Variants in FUBP1 observed in about 807,000 individuals in gnomAD.
FUBP1 encodes far upstream element-binding protein 1.
A neutral mutation model predicts 94.9 loss-of-function variants in FUBP1; 16 were observed. The ratio of observed to expected loss-of-function variants is 0.17; its 90% CI spans 0.11 to 0.26. FUBP1 has a LOEUF of 0.26. Ranked by LOEUF, FUBP1 falls within the 10% of genes least tolerant of loss-of-function variation. The pLI is 1.00. For missense variants in FUBP1, 583 were observed against 808.6 expected (o/e 0.72, Z 3.38); for synonymous variants, 279 against 254.9 (o/e 1.09, Z -0.90).
intron 14 of FUBP1, among the ~76,000 whole-genome samples, chr1:77,961,076 CATG>C (rs1221568073): frequency 2.0e-5 from 3 of 152,310 alleles, no homozygotes; most frequent in East Asian, 3.9e-4. Context: ...TTTCATGTAT[CATG>C]ATGTTTAATA....
intron 2 of FUBP1, 77 bp downstream of exon 2, chr1:77,969,848 A>C: frequency 3.0e-6 from 2 of 656,638 alleles, no homozygotes; most frequent in South Asian, 4.7e-5. Context: ...ATCTCAATAA[A>C]ATAACAGAAA....
chr1:77,969,892 A>G (rs1657197004), intron 2 of FUBP1, 33 bp downstream of exon 2: 3 of 967,524 alleles, frequency 3.1e-6, no homozygotes, highest in East Asian at 5.0e-5. Flanking sequence ...AACACTCTGA[A>G]AAACAATTTA....
intron 1 of FUBP1, among the ~76,000 whole-genome samples, chr1:77,977,824 T>C (rs1658977762): frequency 6.6e-6 from 1 of 152,262 alleles, no homozygotes; most frequent in Admixed American, 6.5e-5. Flanking sequence ...TACATGTTTA[T>C]AATGCGTTCA....
Position 77,945,382 on chromosome 1 carries a change from A to T in FUBP1, c.*3384T>A, listed in dbSNP as rs911931151. ...TAAGAAATTTAACAGTTCATGGAAC[A>T]TTTAAGATCAAGTGAATAGCACTTT... On this transcript the variant is annotated 3_prime_UTR_variant, in exon 20 of 20. Coordinates refer to ENST00000370768, the MANE Select transcript of FUBP1 (RefSeq NM_003902.5). 2 of 212,934 alleles carry T rather than the reference A, an allele frequency of 9.4e-6. No homozygotes were observed. The highest frequency in any genetic ancestry group is 4.5e-5 in the African/African-American group (2 of 44,234). The allele number at this position is 212,934 out of a possible 1,614,324, so 13.2% of individuals were successfully genotyped here.
chr1:77,978,838 C>T (rs2102560353), intron 1 of FUBP1, 47 bp downstream of exon 1: 1 of 1,611,940 alleles, frequency 6.2e-7, no homozygotes, highest in Non-Finnish European at 8.5e-7. Flanking sequence ...CAGTCAGCGG[C>T]CAATTACCGT....
In FUBP1 at chr1:77,948,787, G is replaced by A. The variant is rs370548993; in HGVS notation, c.1927-13C>T. Reference sequence around the variant, plus strand: ...CTTATTATTGGCCCTGTGCAGAAGAGATACATAAGAAATACACAAAAAGTT... The same window carrying A: ...CTTATTATTGGCCCTGTGCAGAAGAAATACATAAGAAATACACAAAAAGTT... On this transcript the variant is annotated splice_polypyrimidine_tract_variant and intron_variant, in intron 19 of 19. Transcript: ENST00000370768. 6.2e-7 allele frequency: 1 copy of A among 1,605,046 alleles called. No homozygotes were observed. The highest frequency in any genetic ancestry group is 1.3e-5 in the African/African-American group (1 of 74,654).
chr1:77,960,399 T>C lies in FUBP1; in HGVS notation c.1441A>G (p.Met481Val), dbSNP rs201012814. Residue 481 changes from methionine (M) to valine (V), a missense_variant, in exon 15 of 20, where the codon ATG (methionine) becomes GTG (valine). Transcript: ENST00000370768. ...PPGPPGPGTP[M>V]GPYNPAPYNP... ...TAAGGTGCAGGGTTGTATGGTCCCA[T>C]TGGAGTTCCAGGCCCTGGAGGCCCA... 47 of 1,596,940 alleles carry C rather than the reference T, an allele frequency of 2.9e-5. No homozygotes were observed. The highest frequency in any genetic ancestry group is 4.1e-5 in the African/African-American group (3 of 73,696).
In FUBP1 at chr1:77,948,004, A is replaced by T. The variant is rs1652539079; in HGVS notation, c.*762T>A. On this transcript the variant is annotated 3_prime_UTR_variant, in exon 20 of 20. Transcript: ENST00000370768. ...AAACTGTTTAAAATTAGTTATGCCGAAACAGTCTTGGAAATCAAGTATTAT... is the reference window on the plus strand; with the variant it reads ...AAACTGTTTAAAATTAGTTATGCCGTAACAGTCTTGGAAATCAAGTATTAT... 9.7e-7 allele frequency: 1 copy of T among 1,033,590 alleles called. No homozygotes were observed. The highest frequency in any genetic ancestry group is 1.2e-6 in the Non-Finnish European group (1 of 854,214). The allele number at this position is 1,033,590 out of a possible 1,614,324, so 64.0% of individuals were successfully genotyped here.
intron 1 of FUBP1, among the ~76,000 whole-genome samples, chr1:77,978,481 C>T (rs1451329324): frequency 6.6e-6 from 1 of 152,206 alleles, no homozygotes; most frequent in Non-Finnish European, 1.5e-5. Context: ...ATGATAAATC[C>T]CTTCCCTTGC....
At chr1:77,959,902 T>G (rs1289738656) in intron 16 of FUBP1, among the ~76,000 whole-genome samples, 4 of 152,210 alleles carry the variant, frequency 2.6e-5, no homozygotes, top group Non-Finnish European at 4.4e-5. Context: ...AGCACTGGTA[T>G]CCAAAACCTA....
intron 17 of FUBP1, 33 bp downstream of exon 17, chr1:77,956,539 T>G: frequency 6.4e-7 from 1 of 1,552,998 alleles, no homozygotes; most frequent in Non-Finnish European, 8.9e-7. Flanking sequence ...AGCACAACTT[T>G]TGGCTTTCAC....
At chr1:77,969,893 A>G in intron 2 of FUBP1, 32 bp downstream of exon 2, 1 of 975,144 alleles carries the variant, frequency 1.0e-6, no homozygotes, top group Non-Finnish European at 1.6e-6. Context: ...ACACTCTGAA[A>G]AACAATTTAA....
chr1:77,965,719 A>G (rs964722249), intron 7 of FUBP1, among the ~76,000 whole-genome samples: 1 of 152,250 alleles, frequency 6.6e-6, no homozygotes, highest in Admixed American at 6.5e-5. Context: ...TAAAAATAAC[A>G]TGTCAAATGA....
At chr1:77,968,236 A>C in intron 2 of FUBP1, 33 bp from the exon 3 acceptor site, 1 of 1,317,288 alleles carries the variant, frequency 7.6e-7, no homozygotes, top group Non-Finnish European at 1.1e-6. Context: ...ATTTTTTGCC[A>C]ATTAAGTACA....
intron 14 of FUBP1, among the ~76,000 whole-genome samples, chr1:77,961,582 G>T (rs1385592831): frequency 6.6e-6 from 1 of 152,150 alleles, no homozygotes; most frequent in African/African-American, 2.4e-5. Flanking sequence ...CCAAGGCACA[G>T]AAAAGCCTGA....
At chr1:77,968,944 T>C in intron 2 of FUBP1, 1 of 466,674 alleles carries the variant, frequency 2.1e-6, no homozygotes, top group South Asian at 1.7e-5. Context: ...ATCCAAGAAA[T>C]ATTTGTGTCC....
intron 18 of FUBP1, among the ~76,000 whole-genome samples, chr1:77,954,009 C>T (rs80055909): frequency 0.01 from 1,541 of 152,226 alleles, 33 homozygotes; most frequent in African/African-American, 0.035. Context: ...AACCCAAACA[C>T]GTGACCAGGT....
At chr1:77,978,113 T>G (rs1174945914) in intron 1 of FUBP1, among the ~76,000 whole-genome samples, 2 of 152,238 alleles carry the variant, frequency 1.3e-5, no homozygotes, top group African/African-American at 4.8e-5. Context: ...TATCTAAGAA[T>G]GTAAAGTTCA....
At chr1:77,977,505 G>C (rs1385208276) in intron 1 of FUBP1, among the ~76,000 whole-genome samples, 1 of 152,156 alleles carries the variant, frequency 6.6e-6, no homozygotes, top group Admixed American at 6.5e-5. Flanking sequence ...CAGTCTGGGC[G>C]ACAGAGGGAG....
Sources: gnomAD v4.1 joint callset for allele counts (sites outside exome capture counted in the v4.1 genomes callset) on GRCh38, gnomAD v4.1.1 for gene constraint, MANE v1.5 for transcripts, NCBI Gene and HGNC (gene_info 2026-07-23, HGNC 2026-07-21) for gene names.